Variants in UNC13C observed in about 807,000 individuals in gnomAD.
UNC13C encodes unc-13 homolog C.
Under a neutral mutation model 245.4 loss-of-function variants are expected in UNC13C, and 174 were observed. That is an observed-to-expected ratio of 0.71 (90% CI 0.63 to 0.80). The LOEUF is 0.80. UNC13C is among the 30% of genes least tolerant of loss of function. The probability of loss-of-function intolerance (pLI) is 0.00; values close to 1 mark genes in which losing one functional copy is unlikely to be tolerated. For missense variants in UNC13C, 2,829 were observed against 2,602.9 expected (o/e 1.09, Z -1.89); for synonymous variants, 992 against 895.1 (o/e 1.11, Z -1.93).
the UNC13C span, among the ~76,000 whole-genome samples, chr15:53,952,083 T>C: frequency 1.3e-5 from 2 of 152,158 alleles, no homozygotes; most frequent in East Asian, 3.8e-4. Flanking sequence ...CTGAGGCATG[T>C]AGTCATGAGC....
the UNC13C span, among the ~76,000 whole-genome samples, chr15:53,937,536 C>A: frequency 6.6e-6 from 1 of 152,046 alleles, no homozygotes; most frequent in African/African-American, 2.4e-5. Context: ...GCAGAGAACC[C>A]CAGTAAGATA....
At chr15:54,466,571 T>G (rs1043763048) in intron 19 of UNC13C, among the ~76,000 whole-genome samples, 7 of 151,906 alleles carry the variant, frequency 4.6e-5, no homozygotes, top group African/African-American at 1.7e-4. Flanking sequence ...TGGAAGTAAA[T>G]TGATCTTGAG....
chr15:54,152,470 G>A lies in UNC13C; in HGVS notation c.3071+8786G>A, dbSNP rs80076548. ...TCAGATTCTTAATCTTGACCCCTAA[G>A]TCTCTAGGGCTTAAATTTATGAGGA... On this transcript the variant is annotated intron_variant, in intron 4 of 32. Transcript: ENST00000260323. Among the ~76,000 whole-genome samples the A allele has an allele frequency of 9.4e-3, 1,436 of 152,152 alleles. 28 individuals carry two copies. The highest frequency in any genetic ancestry group is 0.033 in the African/African-American group (1,383 of 41,490).
At chr15:54,129,954 T>A (rs2141212203) in intron 2 of UNC13C, among the ~76,000 whole-genome samples, 1 of 151,620 alleles carries the variant, frequency 6.6e-6, no homozygotes, top group African/African-American at 2.4e-5. Flanking sequence ...CTTAAACTGA[T>A]CTATTTTACT....
intron 2 of UNC13C, among the ~76,000 whole-genome samples, chr15:54,140,521 T>C (rs542988246): frequency 3.9e-4 from 60 of 152,250 alleles, no homozygotes; most frequent in Middle Eastern, 3.4e-3. Context: ...CAGTGCACAA[T>C]ACTGAACCCA....
chr15:54,342,494 G>C (rs1309349682), intron 17 of UNC13C, among the ~76,000 whole-genome samples: 1 of 151,734 alleles, frequency 6.6e-6, no homozygotes, highest in Non-Finnish European at 1.5e-5. Flanking sequence ...CCAGGAATTG[G>C]AAGTTAGAGT....
chr15:54,276,060 T>C (rs1019641074), intron 10 of UNC13C, among the ~76,000 whole-genome samples: 1 of 152,034 alleles, frequency 6.6e-6, no homozygotes, highest in African/African-American at 2.4e-5. Context: ...TATAAAATTA[T>C]AGAAAATGCA....
chr15:54,096,101 C>T (rs890940960), intron 2 of UNC13C, among the ~76,000 whole-genome samples: 1 of 152,188 alleles, frequency 6.6e-6, no homozygotes, highest in Non-Finnish European at 1.5e-5. Context: ...GCCTTGAATG[C>T]TGAATTGGAG....
chr15:54,337,554 AGAAAATCCTG>A (rs1451984913), intron 16 of UNC13C, among the ~76,000 whole-genome samples: 3 of 152,300 alleles, frequency 2.0e-5, no homozygotes, highest in African/African-American at 7.2e-5. Flanking sequence ...CCAGTCTGTC[AGAAAATCCTG>A]TTAGCTCTTT....
chr15:54,382,601 A>G (rs1263034757), intron 17 of UNC13C, among the ~76,000 whole-genome samples: 2 of 149,546 alleles, frequency 1.3e-5, no homozygotes, highest in African/African-American at 4.9e-5. Flanking sequence ...AACAACAATG[A>G]AAAAAAAAAC....
intron 2 of UNC13C, among the ~76,000 whole-genome samples, chr15:54,121,005 GA>G (rs1208703838): frequency 2.0e-5 from 3 of 152,116 alleles, no homozygotes; most frequent in Non-Finnish European, 2.9e-5. Flanking sequence ...GAACATCGTT[GA>G]AATGACAAAG....
chr15:54,453,536 A>C (rs1270644589), intron 19 of UNC13C, among the ~76,000 whole-genome samples: 1 of 152,222 alleles, frequency 6.6e-6, no homozygotes, highest in Non-Finnish European at 1.5e-5. Flanking sequence ...TCAGGTTGTT[A>C]GATTTTTTAA....
intron 2 of UNC13C, among the ~76,000 whole-genome samples, chr15:54,063,812 C>CT (rs1241776904): frequency 1.3e-5 from 2 of 152,034 alleles, no homozygotes. Context: ...ACAAAAGCTT[C>CT]AAGGTGGGAG....
At chr15:54,123,618 A>T (rs923574558) in intron 2 of UNC13C, among the ~76,000 whole-genome samples, 15 of 152,080 alleles carry the variant, frequency 9.9e-5, no homozygotes, top group African/African-American at 3.6e-4. Context: ...AGTTATAGAG[A>T]TAGTAGAGAG....
chr15:54,176,428 A>C (rs1261716837), intron 4 of UNC13C, among the ~76,000 whole-genome samples: 2 of 152,074 alleles, frequency 1.3e-5, no homozygotes. Context: ...ACTTTTTGAG[A>C]TCTGGCTTAC....
At chr15:54,221,254 A>G (rs535782643) in intron 4 of UNC13C, among the ~76,000 whole-genome samples, 3 of 152,204 alleles carry the variant, frequency 2.0e-5, no homozygotes, top group Middle Eastern at 3.4e-3. Context: ...ACAATGTTGT[A>G]TAAAATAATG....
intron 2 of UNC13C, among the ~76,000 whole-genome samples, chr15:54,041,906 A>T (rs180979774): frequency 6.6e-6 from 1 of 152,202 alleles, no homozygotes; most frequent in African/African-American, 2.4e-5. Context: ...TAGTGCCGTC[A>T]GTGATGAAGA....
At chr15:54,061,740 T>C (rs578001425) in intron 2 of UNC13C, among the ~76,000 whole-genome samples, 5 of 152,250 alleles carry the variant, frequency 3.3e-5, no homozygotes, top group African/African-American at 1.2e-4. Flanking sequence ...GCAGTGAGCT[T>C]CCTCACTGTA....
chr15:53,895,151 G>T, the UNC13C span, among the ~76,000 whole-genome samples: 1 of 151,810 alleles, frequency 6.6e-6, no homozygotes, highest in Non-Finnish European at 1.5e-5. Flanking sequence ...ATCACTTGAG[G>T]TCAGGAGTTT....
Sources: allele counts gnomAD v4.1 joint callset (sites outside exome capture counted in the v4.1 genomes callset), GRCh38; gene constraint gnomAD v4.1.1; transcripts MANE v1.5; gene names NCBI Gene and HGNC (gene_info 2026-07-23, HGNC 2026-07-21).